The following APOL4 variants were observed in gnomAD, a reference collection of about 807,000 sequenced individuals.
APOL4 encodes the protein apolipoprotein L, 4.
APOL4 carries 14 observed loss-of-function variants against 12.1 expected under a neutral mutation model. The observed-to-expected ratio is 1.16, with a 90% CI of 0.76 to 1.81. The LOEUF is 1.81. Among genes scored for constraint, APOL4 ranks in the 40% most tolerant of loss-of-function variants. The pLI is 0.00. For synonymous variants in APOL4, 171 were observed against 160.6 expected (o/e 1.06, Z -0.49); for missense variants, 432 against 423.1 (o/e 1.02, Z -0.18).
At chr22:36,195,562 G>C (rs750180653) in intron 2 of APOL4, 125 bp from the exon 3 acceptor site, 3 of 1,083,002 alleles carry the variant, frequency 2.8e-6, no homozygotes, top group Non-Finnish European at 2.6e-6. Context: ...TTTGATGGAG[G>C]CACCAGTGCT....
chr22:36,192,291 G>T (rs566063244), intron 3 of APOL4, among the ~76,000 whole-genome samples: 1 of 152,274 alleles, frequency 6.6e-6, no homozygotes, highest in South Asian at 2.1e-4. Flanking sequence ...AGTGAGCCGA[G>T]ATCGCGCCAC....
chr22:36,195,375 G>A lies in APOL4; in HGVS notation c.145C>T (p.Leu49=), dbSNP rs754607017. 17 of 1,613,718 alleles carry A rather than the reference G, an allele frequency of 1.1e-5. No individual in the cohort carries two copies. Among genetic ancestry groups the A allele is most frequent in the Admixed American group, 3.3e-5 (2 of 59,994 alleles). The change falls in exon 3 of 4, where the codon CTG becomes TTG. Residue 49 remains leucine, a synonymous_variant. Coordinates refer to ENST00000683024, the MANE Select transcript of APOL4 (RefSeq NM_001386885.1). Reference sequence around the variant, plus strand: ...TCATCGCTAGTCAGCAGGATTTTCAGATGCACTGGGCTAACTTTCTTCTGG... The same window carrying A: ...TCATCGCTAGTCAGCAGGATTTTCAAATGCACTGGGCTAACTTTCTTCTGG... ...YFQKKVSPVH[L]KILLTSDEAW... is the part of the protein sequence containing the mutation.
chr22:36,196,952 T>C (rs132706), intron 2 of APOL4, among the ~76,000 whole-genome samples: 125,797 of 152,196 alleles, frequency 0.83, 52,169 homozygotes, highest in East Asian at 0.94. Context: ...CTCTCTCAGA[T>C]GGGCAGTGGA....
intron 3 of APOL4, among the ~76,000 whole-genome samples, 169 bp from the exon 4 acceptor site, chr22:36,192,081 T>C (rs2097467): frequency 0.59 from 90,482 of 152,098 alleles, 28,067 homozygotes; most frequent in East Asian, 0.82. Flanking sequence ...TGGCTCATGC[T>C]TGTAATCCCA....
chr22:36,192,201 G>T (rs142107455), intron 3 of APOL4, among the ~76,000 whole-genome samples: 3 of 152,234 alleles, frequency 2.0e-5, no homozygotes, highest in South Asian at 4.2e-4. Context: ...TTAGCCAGGC[G>T]TGGTGGTGAG....
intron 1 of APOL4, among the ~76,000 whole-genome samples, chr22:36,200,311 G>A (rs1337025768): frequency 6.6e-6 from 1 of 152,184 alleles, no homozygotes; most frequent in Non-Finnish European, 1.5e-5. Flanking sequence ...ACAATATTGA[G>A]TCATGTATAC....
intron 2 of APOL4, 96 bp downstream of exon 2, chr22:36,199,234 G>A (rs2014498710): frequency 1.3e-6 from 2 of 1,542,130 alleles, no homozygotes; most frequent in Non-Finnish European, 1.8e-6. Context: ...GGCTCACTCA[G>A]CCTTGAAGAC....
Position 36,201,764 on chromosome 22 carries a change from A to G in APOL4, c.-30T>C. 6.2e-7 allele frequency: 1 copy of G among 1,600,182 alleles called. No homozygotes were observed. Among genetic ancestry groups the G allele is most frequent in the African/African-American group, 1.3e-5 (1 of 74,608 alleles). On this transcript the variant is annotated 5_prime_UTR_variant, in exon 1 of 4. Coordinates refer to ENST00000683024, the MANE Select transcript of APOL4 (RefSeq NM_001386885.1). Reference sequence around the variant, plus strand: ...CTTGGTCATTGTTGGCCTGGCTCAGACGCTGATCTGGGGCCTCTGCTGAAT... The same window carrying G: ...CTTGGTCATTGTTGGCCTGGCTCAGGCGCTGATCTGGGGCCTCTGCTGAAT...
At chr22:36,199,294 C>T (rs764878054) in intron 2 of APOL4, 36 bp downstream of exon 2, 11 of 1,613,404 alleles carry the variant, frequency 6.8e-6, no homozygotes, top group South Asian at 1.1e-5. Flanking sequence ...GAAGAGGAGG[C>T]GAGCCTACCA....
intron 1 of APOL4, 105 bp downstream of exon 1, chr22:36,201,595 C>G: frequency 9.1e-7 from 1 of 1,097,508 alleles, no homozygotes; most frequent in Non-Finnish European, 1.2e-6. Context: ...ACTGTGTGAC[C>G]CCCTAGGCCA....
chr22:36,203,095 C>T (rs890625353), upstream of APOL4, among the ~76,000 whole-genome samples: 3 of 152,208 alleles, frequency 2.0e-5, no homozygotes, highest in East Asian at 1.9e-4. Flanking sequence ...ATGCCACAGG[C>T]ACCATTCTGC....
At position 36,191,062 on chromosome 22, in the gene APOL4, G is replaced by T; in HGVS notation, c.*13C>A. 1.3e-6 allele frequency: 2 copies of T among 1,570,210 alleles called. No individual in the cohort carries two copies. Among genetic ancestry groups the T allele is most frequent in the Non-Finnish European group, 1.7e-6 (2 of 1,155,708 alleles). On this transcript the variant is annotated 3_prime_UTR_variant, in exon 4 of 4. Transcript: ENST00000683024. ...CTCCGTTTGGGGTCCCTGACTTCCC[G>T]CAACAATTGGGCCTAGCCTGCTTTT...
chr22:36,195,772 TCTCTCA>T lies in APOL4; in HGVS notation c.83-341_83-336del, dbSNP rs1330027500. ...CTCTCTCTCTCTCTCTCTCTCTCTC[TCTCTCA>T]CACACACACACACACACACACACAC... On this transcript the variant is annotated intron_variant, in intron 2 of 3. Coordinates refer to ENST00000683024, the MANE Select transcript of APOL4 (RefSeq NM_001386885.1). Among the ~76,000 whole-genome samples the T allele has an allele frequency of 7.2e-3, 1,006 of 140,184 alleles. 11 individuals carry two copies. Among genetic ancestry groups the T allele is most frequent in the East Asian group, 0.019 (92 of 4,802 alleles). 92.0% of individuals were successfully genotyped at this position (140,184 alleles called of 152,430 possible).
intron 1 of APOL4, among the ~76,000 whole-genome samples, chr22:36,201,336 A>G (rs1414900294): frequency 1.3e-5 from 2 of 150,036 alleles, no homozygotes; most frequent in East Asian, 4.0e-4. Flanking sequence ...TCCATCCTCC[A>G]GCTCTCATAC....
rs1327286993 is a variant in APOL4, at chr22:36,189,770, T to G, written c.*1305A>C. ...CCCCACACTCTCCAGTCCCCTCTCC[T>G]CCCTTATTCCAGGCCCCAGCATTTC... On this transcript the variant is annotated 3_prime_UTR_variant, in exon 4 of 4. Transcript: ENST00000683024. The G allele has an allele frequency of 6.5e-6, 1 of 152,758 alleles. No individual in the cohort carries two copies. Among genetic ancestry groups the G allele is most frequent in the African/African-American group, 2.4e-5 (1 of 41,368 alleles). 9.5% of individuals were successfully genotyped at this position (152,758 alleles called of 1,614,324 possible). A position where few individuals can be genotyped will look rare whatever the true frequency, so the allele number is the denominator to read the frequency against.
Position 36,191,390 on chromosome 22 carries a change from G to A in APOL4, c.732C>T (p.Val244=). 1 of 1,614,064 alleles carries A rather than the reference G, an allele frequency of 6.2e-7. No individual in the cohort carries two copies. The highest frequency in any genetic ancestry group is 8.5e-7 in the Non-Finnish European group (1 of 1,179,910). Residue 244 remains valine (V), a synonymous_variant, in exon 4 of 4, where the codon GTC becomes GTT. Transcript: ENST00000683024. ...TGGCTTTAGATCTCCTGAGTGTATG[G>A]ACATCATTCGCAATCATTTTTGTGG... The part of the protein sequence containing the change: ...DEATKMIAND[V]HTLRRSKATV...
In APOL4 at chr22:36,189,742, A is replaced by C; in HGVS notation, c.*1333T>G. 6.6e-6 allele frequency: 1 copy of C among 151,456 alleles called. No homozygotes were observed. Among genetic ancestry groups the C allele is most frequent in the Non-Finnish European group, 1.5e-5 (1 of 67,842 alleles). 9.4% of individuals were successfully genotyped at this position (151,456 alleles called of 1,614,324 possible). A position where few individuals can be genotyped will look rare whatever the true frequency, so the allele number is the denominator to read the frequency against. On this transcript the variant is annotated 3_prime_UTR_variant, in exon 4 of 4. Coordinates refer to ENST00000683024, the MANE Select transcript of APOL4 (RefSeq NM_001386885.1). ...AGTCTAGAGTAAACTGCTTCTTTCC[A>C]TTCCCCACACTCTCCAGTCCCCTCT...
rs753389439 is a variant in APOL4 at position 36,191,543 on chromosome 22, G to C, written c.579C>G (p.Tyr193Ter). The change falls in exon 4 of 4, where the codon TAC (tyrosine) becomes TAG (stop). Residue 193 changes from tyrosine (Y) to a stop codon, truncating the protein, a stop_gained. Coordinates refer to ENST00000683024, the MANE Select transcript of APOL4 (RefSeq NM_001386885.1). LOFTEE classifies it low-confidence loss of function (END_TRUNC). ...TGGCTGTGAGTTCTGCTGACCTTGT[G>C]TATGTGTTCTCCACGATGCTGGAGG... ...GIASSIVENT[Y>*]TRSAELTASR... 6.2e-7 allele frequency: 1 copy of C among 1,614,036 alleles called. No homozygotes were observed. The highest frequency in any genetic ancestry group is 8.5e-7 in the Non-Finnish European group (1 of 1,179,894).
At chr22:36,195,768 TCTCTC>T (rs1317373100) in intron 2 of APOL4, among the ~76,000 whole-genome samples, 436 of 105,604 alleles carry the variant, frequency 4.1e-3, no homozygotes, top group Middle Eastern at 0.011. Flanking sequence ...TCTCTCTCTC[TCTCTC>T]TCTCACACAC....
Sources: gnomAD v4.1 joint callset for allele counts (sites outside exome capture counted in the v4.1 genomes callset) on GRCh38, gnomAD v4.1.1 for gene constraint, MANE v1.5 for transcripts, NCBI Gene and HGNC (gene_info 2026-07-23, HGNC 2026-07-21) for gene names.